The following TNIP3 variants were observed in gnomAD, a reference collection of about 807,000 sequenced individuals.
TNIP3 encodes the protein TNFAIP3-interacting protein 3.
A neutral mutation model predicts 54.1 loss-of-function variants in TNIP3; 34 were observed. The ratio of observed to expected loss-of-function variants is 0.63; its 90% CI spans 0.48 to 0.84. The LOEUF (loss-of-function observed/expected upper bound fraction) is 0.84. Among genes scored for constraint, TNIP3 ranks in the 40% least tolerant of loss-of-function variants. TNIP3 has a pLI of 0.00. For synonymous variants in TNIP3, 134 were observed against 136.8 expected (o/e 0.98, Z 0.14); for missense variants, 366 against 387.6 (o/e 0.94, Z 0.47).
chr4:121,140,421 G>A (rs909615388), intron 9 of TNIP3, among the ~76,000 whole-genome samples: 1 of 152,134 alleles, frequency 6.6e-6, no homozygotes, highest in Non-Finnish European at 1.5e-5. Flanking sequence ...CCTTTATTTG[G>A]TGACAATTTT....
intron 2 of TNIP3, among the ~76,000 whole-genome samples, chr4:121,199,329 C>A (rs768490864): frequency 2.6e-4 from 40 of 152,140 alleles, no homozygotes; most frequent in Non-Finnish European, 2.4e-4. Flanking sequence ...TCAAGATATC[C>A]TATAAAGCTA....
intron 2 of TNIP3, among the ~76,000 whole-genome samples, chr4:121,193,579 G>A (rs922723365): frequency 2.0e-5 from 3 of 152,194 alleles, no homozygotes; most frequent in African/African-American, 7.2e-5. Flanking sequence ...ATCTCAGTAA[G>A]AAGTATCAAT....
At chr4:121,216,495 T>C in exon 2 of TNIP3, 1 of 1,535,520 alleles carries the variant, frequency 6.5e-7, no homozygotes, top group East Asian at 2.4e-5. Context: ...GCCATCCACA[T>C]GGAATCTAAA....
chr4:121,151,075 T>C (rs925937198), intron 5 of TNIP3, among the ~76,000 whole-genome samples: 2 of 152,226 alleles, frequency 1.3e-5, no homozygotes, highest in Non-Finnish European at 2.9e-5. Flanking sequence ...ATTGCCTCTA[T>C]TTTGAAGACC....
intron 10 of TNIP3, among the ~76,000 whole-genome samples, chr4:121,133,659 A>G (rs1054401109): frequency 1.6e-4 from 25 of 152,236 alleles, no homozygotes; most frequent in Admixed American, 2.6e-4. Flanking sequence ...GCTGTGGCCA[A>G]TGAGATAATC....
chr4:121,157,837 C>T (rs1297552333), intron 3 of TNIP3, among the ~76,000 whole-genome samples: 1 of 152,142 alleles, frequency 6.6e-6, no homozygotes, highest in Non-Finnish European at 1.5e-5. Flanking sequence ...GCAAGCCGTT[C>T]GAGAAAGCAG....
chr4:121,132,689 T>C, intron 10 of TNIP3, 27 bp from the exon 11 acceptor site: 2 of 1,596,634 alleles, frequency 1.3e-6, no homozygotes, highest in Non-Finnish European at 1.7e-6. Context: ...GAAAATGTTT[T>C]AGATTAAAAA....
chr4:121,177,912 G>A (rs551822291), intron 3 of TNIP3, among the ~76,000 whole-genome samples: 11 of 152,292 alleles, frequency 7.2e-5, no homozygotes, highest in South Asian at 4.1e-4. Context: ...CAATTGAGGA[G>A]GATATGCCAG....
At chr4:121,216,956 C>A (rs150266415), upstream of TNIP3, among the ~76,000 whole-genome samples, 1 of 151,954 alleles carries the variant, frequency 6.6e-6, no homozygotes, top group Admixed American at 6.6e-5. Flanking sequence ...TTTTCTCCAA[C>A]AGGAGTTTAT....
At chr4:121,223,245 G>A (rs776961765) in intron 1 of TNIP3, among the ~76,000 whole-genome samples, 8 of 152,284 alleles carry the variant, frequency 5.3e-5, no homozygotes, top group Admixed American at 1.3e-4. Context: ...ATGCTCACCC[G>A]CTTGAAAGGG....
chr4:121,212,742 T>C (rs1424648729), intron 2 of TNIP3, among the ~76,000 whole-genome samples: 2 of 152,194 alleles, frequency 1.3e-5, no homozygotes, highest in African/African-American at 4.8e-5. Context: ...TGAAAAGGTG[T>C]GAGATAAACT....
chr4:121,150,197 A>G lies in TNIP3; in HGVS notation c.515T>C (p.Ile172Thr), dbSNP rs181192681. The G allele has an allele frequency of 3.1e-6, 5 of 1,613,414 alleles. 1 individual carries two copies. In the Admixed American group the frequency reaches 8.3e-5, roughly 27 times the overall value. ...LNKALQDALNIKCSFSEDCLR... is the reference protein window; with the variant it reads ...LNKALQDALNTKCSFSEDCLR... ...ACAGTCCTCGGAAAATGAACACTTG[A>G]TATTCAAGGCATCCTGAAGAGCCTA... The change falls in exon 6 of 11, where the codon ATC becomes ACC. Residue 172 changes from isoleucine (I) to threonine (T), a missense_variant. Coordinates refer to ENST00000057513, the MANE Select transcript of TNIP3 (RefSeq NM_024873.6).
At chr4:121,135,505 C>G (rs1257383547) in intron 10 of TNIP3, among the ~76,000 whole-genome samples, 4 of 152,098 alleles carry the variant, frequency 2.6e-5, no homozygotes, top group Non-Finnish European at 5.9e-5. Flanking sequence ...TCATGTGATC[C>G]TCCTACCTTA....
intron 6 of TNIP3, among the ~76,000 whole-genome samples, chr4:121,149,495 T>C (rs1388900011): frequency 6.6e-6 from 1 of 152,192 alleles, no homozygotes; most frequent in Admixed American, 6.5e-5. Context: ...GGCTGGGTGC[T>C]GTGGCTCACG....
upstream of TNIP3, chr4:121,164,347 T>C: frequency 7.7e-7 from 1 of 1,300,170 alleles, no homozygotes; most frequent in Non-Finnish European, 9.8e-7. Context: ...GCAACTGGGA[T>C]TTTAACTTTT....
chr4:121,211,848 G>C (rs745762357), intron 2 of TNIP3, among the ~76,000 whole-genome samples: 2 of 152,160 alleles, frequency 1.3e-5, no homozygotes, highest in Non-Finnish European at 2.9e-5. Context: ...TCATTCAGCT[G>C]GCTGCAGGTT....
chr4:121,173,857 C>A (rs1467823836), intron 3 of TNIP3, among the ~76,000 whole-genome samples: 2 of 152,160 alleles, frequency 1.3e-5, no homozygotes, highest in Non-Finnish European at 2.9e-5. Flanking sequence ...TCTCAAACTC[C>A]TGACCACAAG....
chr4:121,138,838 C>T (rs1366278571), intron 9 of TNIP3, among the ~76,000 whole-genome samples, 154 bp from the exon 10 acceptor site: 3 of 151,838 alleles, frequency 2.0e-5, no homozygotes, highest in Non-Finnish European at 4.4e-5. Context: ...TCCTGCTTAC[C>T]CCCCATCACT....
chr4:121,211,828 G>A (rs1376216698), intron 2 of TNIP3, among the ~76,000 whole-genome samples: 1 of 152,188 alleles, frequency 6.6e-6, no homozygotes, highest in African/African-American at 2.4e-5. Flanking sequence ...AGAAAGGACA[G>A]ATTTAAAATT....
Sources: gnomAD v4.1 joint callset for allele counts (sites outside exome capture counted in the v4.1 genomes callset) on GRCh38, gnomAD v4.1.1 for gene constraint, MANE v1.5 for transcripts, NCBI Gene and HGNC (gene_info 2026-07-23, HGNC 2026-07-21) for gene names.